The following ABCB5 variants were observed in gnomAD, a reference collection of about 807,000 sequenced individuals.
ABCB5 encodes ATP-binding cassette sub-family B member 5.
Under a neutral mutation model 144.2 loss-of-function variants are expected in ABCB5, and 155 were observed. The observed-to-expected ratio is 1.08, with a 90% CI of 0.94 to 1.23. The LOEUF is 1.23. Among genes scored for constraint, ABCB5 ranks in the 50% most tolerant of loss-of-function variants. The probability of loss-of-function intolerance (pLI) is 0.00; values close to 1 mark genes in which losing one functional copy is unlikely to be tolerated. For missense variants in ABCB5, 1,830 were observed against 1,520.8 expected, an observed-to-expected ratio of 1.20 and a Z score of -3.38; for synonymous variants, 610 against 528.6, an observed-to-expected ratio of 1.15 and a Z score of -2.11.
At chr7:20,699,984 T>C in intron 18 of ABCB5, 55 bp downstream of exon 18, 8 of 1,598,648 alleles carry the variant, frequency 5.0e-6, no homozygotes, top group East Asian at 2.2e-5. Context: ...CCATTCTTTC[T>C]ATTTGAGTTA....
At chr7:20,695,531 C>G (rs1005582323) in intron 16 of ABCB5, among the ~76,000 whole-genome samples, 1 of 151,800 alleles carries the variant, frequency 6.6e-6, no homozygotes, top group African/African-American at 2.4e-5. Context: ...AATATAACAA[C>G]AAATGCATAA....
rs191306931 is a variant in ABCB5, at chr7:20,685,578, A to G, written c.1870-118A>G. The G allele has an allele frequency of 2.9e-4, 262 of 901,138 alleles. 4 individuals carry two copies. Among genetic ancestry groups the G allele is most frequent in the Admixed American group, 2.5e-3 (78 of 31,672 alleles). 55.8% of individuals were successfully genotyped at this position (901,138 alleles called of 1,614,324 possible). A position where few individuals can be genotyped will look rare whatever the true frequency, so the allele number is the denominator to read the frequency against. On this transcript the variant is annotated intron_variant, in intron 15 of 27. Coordinates refer to ENST00000404938, the MANE Select transcript of ABCB5 (RefSeq NM_001163941.2). ...CTGAAAGCTGTTCAGCAAGAACTAC[A>G]TTAGAATATGCCACTTTCAATAGCA...
At chr7:20,651,786 G>C (rs1323366292) in intron 13 of ABCB5, 163 bp downstream of exon 13, 1 of 661,548 alleles carries the variant, frequency 1.5e-6, no homozygotes, top group African/African-American at 1.8e-5. Context: ...AGATGGCTTT[G>C]AATGAGGTCC....
chr7:20,627,139 T>C (rs1396867835), intron 3 of ABCB5, among the ~76,000 whole-genome samples: 4 of 152,194 alleles, frequency 2.6e-5, no homozygotes, highest in African/African-American at 9.7e-5. Context: ...TTCATGCATG[T>C]GTTCCCAGAC....
chr7:20,728,166 A>G, intron 22 of ABCB5, 149 bp from the exon 23 acceptor site: 1 of 966,164 alleles, frequency 1.0e-6, no homozygotes, highest in Non-Finnish European at 1.5e-6. Flanking sequence ...AGTAAAAAAA[A>G]AAAAATCACT....
chr7:20,624,624 G>A (rs1029457418), intron 2 of ABCB5, among the ~76,000 whole-genome samples: 5 of 152,162 alleles, frequency 3.3e-5, no homozygotes, highest in Admixed American at 3.3e-4. Context: ...ATATAGGTGT[G>A]GGGTCTGGCC....
At chr7:20,716,310 T>C (rs1297320129) in intron 20 of ABCB5, among the ~76,000 whole-genome samples, 1 of 152,198 alleles carries the variant, frequency 6.6e-6, no homozygotes, top group Non-Finnish European at 1.5e-5. Flanking sequence ...TGACAAGTAA[T>C]TCTTGATAAT....
intron 12 of ABCB5, 38 bp downstream of exon 12, chr7:20,650,185 A>G: frequency 1.2e-6 from 2 of 1,604,786 alleles, no homozygotes; most frequent in Non-Finnish European, 1.7e-6. Flanking sequence ...AGTCCACCTA[A>G]TGGAATCTGG....
chr7:20,727,950 T>A (rs1174973247), intron 22 of ABCB5, among the ~76,000 whole-genome samples: 1 of 152,228 alleles, frequency 6.6e-6, no homozygotes, highest in Non-Finnish European at 1.5e-5. Context: ...CTCTATTCTG[T>A]TAATGAAAGA....
chr7:20,689,192 C>G (rs1039174947), intron 16 of ABCB5, among the ~76,000 whole-genome samples: 4 of 152,146 alleles, frequency 2.6e-5, no homozygotes, highest in African/African-American at 9.7e-5. Flanking sequence ...ATAAAAGTAG[C>G]ACCCCACTAC....
chr7:20,626,018 A>G (rs1783900974), intron 2 of ABCB5, among the ~76,000 whole-genome samples: 1 of 152,234 alleles, frequency 6.6e-6, no homozygotes, highest in Non-Finnish European at 1.5e-5. Context: ...CTAAGTGAAT[A>G]ATTCAAGGAT....
intron 5 of ABCB5, chr7:20,641,482 A>C (rs1784294440): frequency 6.5e-6 from 1 of 152,752 alleles, no homozygotes; most frequent in South Asian, 2.1e-4. Context: ...TAGGAGTTTG[A>C]GGACAGCCTG....
At chr7:20,716,882 G>A (rs529296806) in intron 20 of ABCB5, among the ~76,000 whole-genome samples, 1 of 152,078 alleles carries the variant, frequency 6.6e-6, no homozygotes, top group African/African-American at 2.4e-5. Flanking sequence ...ATTCTAAAGC[G>A]TGCCGAACCC....
Position 20,643,313 on chromosome 7 carries a change from G to A in ABCB5, c.444G>A (p.Leu148=). The A allele has an allele frequency of 6.2e-7, 1 of 1,613,914 alleles. No individual in the cohort carries two copies. Among genetic ancestry groups the A allele is most frequent in the Non-Finnish European group, 8.5e-7 (1 of 1,179,858 alleles). The change falls in exon 6 of 28, where the codon TTG becomes TTA. Residue 148 remains leucine (L), a synonymous_variant. Transcript: ENST00000404938. ...RIRKQFFHSV[L]AQDIGWFDSC... ...GAAAACAGTTTTTTCATTCAGTTTT[G>A]GCACAGGACATCGGCTGGTTTGATA... is the stretch of plus-strand genomic sequence containing the variant.
At chr7:20,658,780 T>C (rs1784898715) in intron 14 of ABCB5, 104 bp downstream of exon 14, 1 of 1,340,026 alleles carries the variant, frequency 7.5e-7, no homozygotes, top group Admixed American at 2.4e-5. Context: ...TTGAGAGCCC[T>C]CTTAAGGTAT....
At chr7:20,700,249 CT>C in intron 19 of ABCB5, 114 bp downstream of exon 19, 1 of 945,020 alleles carries the variant, frequency 1.1e-6, no homozygotes, top group Non-Finnish European at 1.5e-6. Context: ...AAAGCACACT[CT>C]TTTTGTTCTA....
chr7:20,659,647 A>T, intron 14 of ABCB5: 1 of 988,750 alleles, frequency 1.0e-6, no homozygotes, highest in Non-Finnish European at 1.2e-6. Context: ...TCATCTTGGT[A>T]CAGAAAATAC....
chr7:20,652,232 A>G (rs1056708980), intron 13 of ABCB5, among the ~76,000 whole-genome samples: 2 of 152,188 alleles, frequency 1.3e-5, no homozygotes, highest in Non-Finnish European at 2.9e-5. Context: ...AAGAAAAACT[A>G]TGATCATTTT....
At chr7:20,674,017 G>A (rs1785530263) in intron 14 of ABCB5, among the ~76,000 whole-genome samples, 1 of 151,840 alleles carries the variant, frequency 6.6e-6, no homozygotes, top group Non-Finnish European at 1.5e-5. Flanking sequence ...ATTATTTCAT[G>A]TGTAGTATAA....
Sources: allele counts gnomAD v4.1 joint callset (sites outside exome capture counted in the v4.1 genomes callset), GRCh38; gene constraint gnomAD v4.1.1; transcripts MANE v1.5; gene names NCBI Gene and HGNC (gene_info 2026-07-23, HGNC 2026-07-21).